PIEZO2: variants seen among roughly 807,000 people sequenced by gnomAD.
PIEZO2 encodes piezo-type mechanosensitive ion channel component 2.
A neutral mutation model predicts 337.3 loss-of-function variants in PIEZO2; 172 were observed. The observed-to-expected ratio is 0.51, with a 90% confidence interval of 0.45 to 0.58. PIEZO2 has a LOEUF of 0.58. Among genes scored for constraint, PIEZO2 ranks in the 20% least tolerant of loss-of-function variants. The pLI is 0.00. For synonymous variants in PIEZO2, 1,251 were observed against 1,228.5 expected (o/e 1.02, Z -0.38); for missense variants, 3,028 against 3,391.3 (o/e 0.89, Z 2.66).
chr18:10,846,481 G>A lies in PIEZO2; in HGVS notation c.917+8872C>T, dbSNP rs901246319. Among the ~76,000 whole-genome samples, 4 of 152,102 alleles carry A rather than the reference G, an allele frequency of 2.6e-5. No individual in the cohort carries two copies. Among genetic ancestry groups the A allele is most frequent in the African/African-American group, 9.7e-5 (4 of 41,404 alleles). On this transcript the variant is annotated intron_variant, in intron 7 of 55. Coordinates refer to ENST00000674853, the MANE Select transcript of PIEZO2 (RefSeq NM_001378183.1). The surrounding 1 kb of genome is among the most constrained non-coding windows in gnomAD (Gnocchi z 4.1). ...ATATATAAGGAGATAAAATACAAGG[G>A]TTTTAGGAAACAGAGAGAGAAAAGA...
At chr18:10,886,380 G>GTA (rs1173330460) in intron 4 of PIEZO2, among the ~76,000 whole-genome samples, 42 of 3,032 alleles carry the variant, frequency 0.014, 4 homozygotes, top group African/African-American at 0.028. Context: ...GTGTGTGTGT[G>GTA]TATATATATA....
rs1216013273 is a variant in PIEZO2 at position 10,750,452 on chromosome 18, A to G, written c.4168-265T>C. ...TGGAAGCACCAGTTTATCAAGAAGA[A>G]ATCTTGGACGATCATAGAAATAAAT... On this transcript the variant is annotated intron_variant, in intron 28 of 55. Transcript: ENST00000674853. The surrounding 1 kb of genome is among the most constrained non-coding windows in gnomAD (Gnocchi z 4.1). Among the ~76,000 whole-genome samples the G allele has an allele frequency of 6.6e-6, 1 of 152,206 alleles. No homozygotes were observed. The highest frequency in any genetic ancestry group is 1.5e-5 in the Non-Finnish European group (1 of 68,038).
intron 1 of PIEZO2, among the ~76,000 whole-genome samples, chr18:11,079,740 C>T (rs1321620581): frequency 6.6e-6 from 1 of 152,132 alleles, no homozygotes; most frequent in Non-Finnish European, 1.5e-5. Context: ...CAAATTAGCT[C>T]AAATGTTTGT....
rs1425994532 is a variant in PIEZO2 at position 10,795,474 on chromosome 18, T to A, written c.1528-472A>T. 6.6e-6 allele frequency among the ~76,000 whole-genome samples: 1 copy of A among 151,982 alleles called. No homozygotes were observed. Among genetic ancestry groups the A allele is most frequent in the Non-Finnish European group, 1.5e-5 (1 of 68,018 alleles). ...GGCTTAGAGAGAAAAAAAAATGGTA[T>A]ACTCCTGTGAGCTCAGAATGAGAGA... On this transcript the variant is annotated intron_variant, in intron 12 of 55. Coordinates refer to ENST00000674853, the MANE Select transcript of PIEZO2 (RefSeq NM_001378183.1). The surrounding 1 kb of genome is among the most constrained non-coding windows in gnomAD (Gnocchi z 4.4).
At chr18:11,017,462 T>G (rs1254049126) in intron 2 of PIEZO2, among the ~76,000 whole-genome samples, 1 of 148,840 alleles carries the variant, frequency 6.7e-6, no homozygotes, top group Non-Finnish European at 1.5e-5. Context: ...AATGCCTTTT[T>G]TTTTTGAGAT....
chr18:10,944,969 A>C (rs143556210), intron 3 of PIEZO2, among the ~76,000 whole-genome samples: 1,571 of 152,272 alleles, frequency 0.01, 10 homozygotes, highest in Non-Finnish European at 0.015. Flanking sequence ...AGGGAAGAAG[A>C]AGCCAGGCAG....
intron 4 of PIEZO2, among the ~76,000 whole-genome samples, chr18:10,898,508 TAGTGAGAGATAATTTG>T (rs1471170974): frequency 6.6e-6 from 1 of 151,918 alleles, no homozygotes; most frequent in Non-Finnish European, 1.5e-5. Context: ...CAGAACGAAG[TAGTGAGAGATAATTTG>T]ACTGAAAATG....
rs2042833175 is a variant in PIEZO2 at position 10,894,240 on chromosome 18, G to A, written c.329+16946C>T. ...GGCCGATGGGGGCGGATCACCTGAG[G>A]TCAGGAGTTGAGACCAGCCTGGCCA... is the stretch of plus-strand genomic sequence containing the variant. On this transcript the variant is annotated intron_variant, in intron 4 of 55. Transcript: ENST00000674853. The surrounding 1 kb of genome is among the most constrained non-coding windows in gnomAD (Gnocchi z 4.1). Among the ~76,000 whole-genome samples, 1 of 152,090 alleles carries A rather than the reference G, an allele frequency of 6.6e-6. No homozygotes were observed. The highest frequency in any genetic ancestry group is 2.4e-5 in the African/African-American group (1 of 41,404).
chr18:10,818,491 C>T (rs775972794), intron 7 of PIEZO2, among the ~76,000 whole-genome samples: 4 of 152,054 alleles, frequency 2.6e-5, no homozygotes, highest in Admixed American at 1.3e-4. Flanking sequence ...TAGATGAATT[C>T]GAGCACAGAG....
In PIEZO2 at chr18:11,016,253, C is replaced by T. The variant is rs1715496141; in HGVS notation, c.161-36593G>A. Reference sequence around the variant, plus strand: ...GGGAAAGAAACAGGCCAAGAGTGGCCAGAGTATGTAAGAGAATGGGATGAC... The same window carrying T: ...GGGAAAGAAACAGGCCAAGAGTGGCTAGAGTATGTAAGAGAATGGGATGAC... On this transcript the variant is annotated intron_variant, in intron 2 of 55. Coordinates refer to ENST00000674853, the MANE Select transcript of PIEZO2 (RefSeq NM_001378183.1). The surrounding 1 kb of genome is among the most constrained non-coding windows in gnomAD (Gnocchi z 5.6). 6.6e-6 allele frequency among the ~76,000 whole-genome samples: 1 copy of T among 152,092 alleles called. No homozygotes were observed. Among genetic ancestry groups the T allele is most frequent in the African/African-American group, 2.4e-5 (1 of 41,400 alleles).
chr18:11,100,967 G>A (rs758121660), intron 1 of PIEZO2, among the ~76,000 whole-genome samples: 19 of 152,186 alleles, frequency 1.2e-4, no homozygotes, highest in Non-Finnish European at 2.6e-4. Flanking sequence ...GGGCAAAGAA[G>A]ACCAACTTAA....
At chr18:11,073,184 C>A (rs1351754533) in intron 1 of PIEZO2, among the ~76,000 whole-genome samples, 1 of 152,172 alleles carries the variant, frequency 6.6e-6, no homozygotes, top group Non-Finnish European at 1.5e-5. Flanking sequence ...ATGGAGAGGA[C>A]AAGGGTGGCC....
rs926346731 is a variant in PIEZO2, at chr18:10,833,445, C to A, written c.917+21908G>T. On this transcript the variant is annotated intron_variant, in intron 7 of 55. Transcript: ENST00000674853. This position sits in a 1 kb window ranked among gnomAD's most constrained non-coding sequence, Gnocchi z 4.7. ...GGCCCTGCCCCAGAACCCCTGGAAT[C>A]TCCTGGGGCGGGGCTGAAGGTGGCA... 6.6e-6 allele frequency among the ~76,000 whole-genome samples: 1 copy of A among 152,182 alleles called. No individual in the cohort carries two copies. Among genetic ancestry groups the A allele is most frequent in the Non-Finnish European group, 1.5e-5 (1 of 68,036 alleles).
intron 51 of PIEZO2, 25 bp from the exon 52 acceptor site, chr18:10,680,396 A>C: frequency 6.2e-7 from 1 of 1,603,032 alleles, no homozygotes; most frequent in Non-Finnish European, 8.5e-7. Flanking sequence ...ATGCACATGC[A>C]TAAATAGATT....
intron 3 of PIEZO2, among the ~76,000 whole-genome samples, chr18:10,922,916 A>T (rs1196289089): frequency 6.6e-6 from 1 of 152,172 alleles, no homozygotes; most frequent in African/African-American, 2.4e-5. Flanking sequence ...CATGTTCTTC[A>T]TTATGAAGAA....
intron 7 of PIEZO2, among the ~76,000 whole-genome samples, chr18:10,852,653 CT>C (rs1266629782): frequency 2.6e-5 from 4 of 152,178 alleles, no homozygotes; most frequent in Non-Finnish European, 4.4e-5. Flanking sequence ...ACCTGTATTG[CT>C]GGTATGGTAA....
At position 10,770,052 on chromosome 18, in the gene PIEZO2, C is replaced by T. The variant is rs1024665213; in HGVS notation, c.2946+96G>A. On this transcript the variant is annotated intron_variant, in intron 21 of 55. Transcript: ENST00000674853. Reference sequence around the variant, plus strand: ...GGAGTCTTGATACTCCGATGTAATGCGGATCACATTAAAAAAATCATGGAC... The same window carrying T: ...GGAGTCTTGATACTCCGATGTAATGTGGATCACATTAAAAAAATCATGGAC... The T allele has an allele frequency of 1.2e-5, 15 of 1,277,512 alleles. No individual in the cohort carries two copies. In the African/African-American group the frequency reaches 1.3e-4, roughly 11 times the overall value. 79.1% of individuals were successfully genotyped at this position (1,277,512 alleles called of 1,614,324 possible).
intron 1 of PIEZO2, among the ~76,000 whole-genome samples, chr18:11,115,201 A>C (rs755570874): frequency 9.9e-5 from 15 of 152,152 alleles, no homozygotes; most frequent in Non-Finnish European, 1.8e-4. Context: ...AGAAACAAAT[A>C]CTCCTATATT....
chr18:10,741,377 T>G (rs1164894943), intron 32 of PIEZO2, among the ~76,000 whole-genome samples: 1 of 152,226 alleles, frequency 6.6e-6, no homozygotes, highest in East Asian at 1.9e-4. Context: ...AAGGATTATC[T>G]GTCAAAAATA....
Sources: allele counts gnomAD v4.1 joint callset (sites outside exome capture counted in the v4.1 genomes callset), GRCh38; gene constraint gnomAD v4.1.1; non-coding constraint Gnocchi (gnomAD v3.1); transcripts MANE v1.5; gene names NCBI Gene and HGNC (gene_info 2026-07-23, HGNC 2026-07-21).